ABCB5: variants seen among roughly 807,000 people sequenced by gnomAD.
ABCB5 encodes ATP binding cassette subfamily B member 5, also known as ATP-binding cassette sub-family B member 5.
A neutral mutation model predicts 144.2 loss-of-function variants in ABCB5; 155 were observed. The ratio of observed to expected loss-of-function variants is 1.08; its 90% CI spans 0.94 to 1.23. The LOEUF (loss-of-function observed/expected upper bound fraction) is 1.23. Ranked by LOEUF, ABCB5 falls within the 50% of genes most tolerant of loss-of-function variation. ABCB5 has a pLI of 0.00. For synonymous variants in ABCB5, 610 were observed against 528.6 expected (o/e 1.15, Z -2.11); for missense variants, 1,830 against 1,520.8 (o/e 1.20, Z -3.38).
At chr7:20,616,480 T>G (rs888972620) in intron 1 of ABCB5, among the ~76,000 whole-genome samples, 2 of 152,230 alleles carry the variant, frequency 1.3e-5, no homozygotes, top group African/African-American at 2.4e-5. Context: ...TGTCCTATGA[T>G]TTCCATCTTG....
intron 5 of ABCB5, among the ~76,000 whole-genome samples, chr7:20,635,565 G>T (rs1407812195): frequency 6.6e-6 from 1 of 151,928 alleles, no homozygotes; most frequent in Non-Finnish European, 1.5e-5. Context: ...CCATTTGTTT[G>T]TATCATCTGC....
chr7:20,616,964 C>T (rs898662014), intron 1 of ABCB5, among the ~76,000 whole-genome samples: 17 of 152,166 alleles, frequency 1.1e-4, no homozygotes, highest in Admixed American at 9.8e-4. Context: ...ATATAGCAAC[C>T]TCCTTTTATA....
intron 20 of ABCB5, among the ~76,000 whole-genome samples, chr7:20,705,166 GT>G (rs58452229): frequency 6.6e-6 from 1 of 152,144 alleles, no homozygotes; most frequent in Admixed American, 6.5e-5. Flanking sequence ...AAAAGGTTTA[GT>G]TTTTCCTTCC....
intron 11 of ABCB5, among the ~76,000 whole-genome samples, chr7:20,648,828 T>C (rs6974437): frequency 0.088 from 13,441 of 152,258 alleles, 661 homozygotes; most frequent in East Asian, 0.16. Context: ...AAAACTTTGA[T>C]CGAAATTCTC....
chr7:20,650,119 A>G lies in ABCB5; in HGVS notation c.1304A>G (p.Gln435Arg), dbSNP rs748724651. ...SGKSTVVQLL[Q>R]RLYDPDDGFI... ...AAGAGTACGGTAGTCCAGCTTCTGC[A>G]GAGGTTATATGATCCGGATGATGGC... is the stretch of plus-strand genomic sequence containing the variant. The change falls in exon 12 of 28, where the codon CAG (glutamine) becomes CGG (arginine). Residue 435 changes from glutamine (Q) to arginine (R), a missense_variant. Transcript: ENST00000404938. 4 of 1,613,636 alleles carry G rather than the reference A, an allele frequency of 2.5e-6. No individual in the cohort carries two copies. Among genetic ancestry groups the G allele is most frequent in the Non-Finnish European group, 2.5e-6 (3 of 1,179,624 alleles).
Position 20,667,569 on chromosome 7 carries a change from G to A in ABCB5, c.1707+8893G>A, listed in dbSNP as rs145077559. The A allele has an allele frequency of 2.0e-4, 190 of 966,240 alleles. 3 individuals are homozygous for A. The African/African-American group carries it at 2.8e-3, about 14-fold the overall frequency. 59.9% of individuals were successfully genotyped at this position (966,240 alleles called of 1,614,324 possible). On this transcript the variant is annotated intron_variant, in intron 14 of 27. Coordinates refer to ENST00000404938, the MANE Select transcript of ABCB5 (RefSeq NM_001163941.2). ...TTCCATACACATTAATTTGAGAACT[G>A]TTGGAGAGTATTGTGAAATCATTGA...
At chr7:20,665,768 GATACATACATACATAC>G (rs67828264) in intron 14 of ABCB5, among the ~76,000 whole-genome samples, 2 of 125,432 alleles carry the variant, frequency 1.6e-5, no homozygotes, top group Non-Finnish European at 3.3e-5. Flanking sequence ...GATAGATAGA[GATACATACATACATAC>G]ATACATACAT....
chr7:20,742,752 C>G, intron 24 of ABCB5, 125 bp from the exon 25 acceptor site: 1 of 874,910 alleles, frequency 1.1e-6, no homozygotes. Flanking sequence ...GAGATGCATA[C>G]ATGTTTAAAA....
chr7:20,686,585 G>T (rs908827334), intron 16 of ABCB5, among the ~76,000 whole-genome samples: 4 of 151,968 alleles, frequency 2.6e-5, no homozygotes, highest in African/African-American at 4.8e-5. Flanking sequence ...CCCAGCCTCC[G>T]CATTCACTGA....
chr7:20,753,067 T>C (rs530476180), intron 26 of ABCB5, among the ~76,000 whole-genome samples: 2 of 152,366 alleles, frequency 1.3e-5, no homozygotes, highest in South Asian at 4.1e-4. Flanking sequence ...ACTGTGAACT[T>C]GTTTCTTGCC....
chr7:20,633,675 T>C (rs1583380932), intron 5 of ABCB5, among the ~76,000 whole-genome samples: 1 of 152,162 alleles, frequency 6.6e-6, no homozygotes, highest in Non-Finnish European at 1.5e-5. Context: ...TTGTTAAGTA[T>C]AGTCATAGTT....
In ABCB5 at chr7:20,755,737, T is replaced by C. The variant is rs1016187289; in HGVS notation, c.*113T>C. On this transcript the variant is annotated 3_prime_UTR_variant, in exon 28 of 28. Transcript: ENST00000404938. ...TTGCATATATCAATACCTAGAATCA[T>C]GCTACTCAAGTACATACATGTTCTA... 2.0e-6 allele frequency: 2 copies of C among 996,808 alleles called. No homozygotes were observed. Among genetic ancestry groups the C allele is most frequent in the African/African-American group, 1.6e-5 (1 of 61,854 alleles). 61.7% of individuals were successfully genotyped at this position (996,808 alleles called of 1,614,324 possible).
At chr7:20,677,055 A>G (rs77506013) in intron 14 of ABCB5, among the ~76,000 whole-genome samples, 5,040 of 152,250 alleles carry the variant, frequency 0.033, 227 homozygotes, top group African/African-American at 0.095. Flanking sequence ...TACATCCATC[A>G]TGATATTTGT....
At chr7:20,721,249 G>A (rs1781858546) in intron 20 of ABCB5, among the ~76,000 whole-genome samples, 1 of 152,192 alleles carries the variant, frequency 6.6e-6, no homozygotes, top group Non-Finnish European at 1.5e-5. Context: ...GTGATTCAGG[G>A]AACAAAGAGT....
At chr7:20,632,501 C>G (rs1784059028) in intron 5 of ABCB5, among the ~76,000 whole-genome samples, 1 of 152,036 alleles carries the variant, frequency 6.6e-6, no homozygotes, top group Non-Finnish European at 1.5e-5. Context: ...CCCAGCCATC[C>G]CATTACTGGG....
chr7:20,721,886 T>A lies in ABCB5; in HGVS notation c.2422-1130T>A, dbSNP rs566318749. On this transcript the variant is annotated intron_variant, in intron 20 of 27. Coordinates refer to ENST00000404938, the MANE Select transcript of ABCB5 (RefSeq NM_001163941.2). Reference sequence around the variant, plus strand: ...CTCTTCCTTTTTACTCTCCGTGAAATAGAATATGTAAAACCTTCTAAAAGA... The same window carrying A: ...CTCTTCCTTTTTACTCTCCGTGAAAAAGAATATGTAAAACCTTCTAAAAGA... Among the ~76,000 whole-genome samples the A allele has an allele frequency of 2.0e-5, 3 of 152,194 alleles. No homozygotes were observed. The South Asian group carries it at 6.2e-4, about 31-fold the overall frequency.
intron 16 of ABCB5, among the ~76,000 whole-genome samples, chr7:20,696,050 A>G (rs779966495): frequency 3.5e-4 from 54 of 152,184 alleles, no homozygotes; most frequent in Non-Finnish European, 7.2e-4. Context: ...TGATCCAGCC[A>G]TTTCATTTCT....
chr7:20,669,226 TGCCCAGCG>T (rs1206685588), intron 14 of ABCB5, among the ~76,000 whole-genome samples: 5 of 143,644 alleles, frequency 3.5e-5, no homozygotes, highest in Middle Eastern at 7.6e-3. Context: ...CTGGGAGGTG[TGCCCAGCG>T]GCTCATTGGG....
chr7:20,735,828 G>C (rs547984203), intron 23 of ABCB5, among the ~76,000 whole-genome samples: 5 of 152,256 alleles, frequency 3.3e-5, no homozygotes, highest in Non-Finnish European at 5.9e-5. Flanking sequence ...ATGTCTTCTG[G>C]GCAAATTGCA....
Sources: gnomAD v4.1 joint callset for allele counts (sites outside exome capture counted in the v4.1 genomes callset) on GRCh38, gnomAD v4.1.1 for gene constraint, MANE v1.5 for transcripts, NCBI Gene and HGNC (gene_info 2026-07-23, HGNC 2026-07-21) for gene names.